TGFB1I1: variants seen among roughly 807,000 people sequenced by gnomAD.
The protein encoded by TGFB1I1 is transforming growth factor beta 1 induced transcript 1, also known as transforming growth factor beta-1-induced transcript 1 protein.
A neutral mutation model predicts 52.0 loss-of-function variants in TGFB1I1; 33 were observed. The ratio of observed to expected loss-of-function variants is 0.63; its 90% CI spans 0.48 to 0.85. TGFB1I1 has a LOEUF of 0.85. Among genes scored for constraint, TGFB1I1 ranks in the 40% least tolerant of loss-of-function variants. TGFB1I1 has a pLI of 0.00. For synonymous variants in TGFB1I1, 236 were observed against 253.3 expected (o/e 0.93, Z 0.65); for missense variants, 577 against 614.9 (o/e 0.94, Z 0.65).
Position 31,474,806 on chromosome 16 carries a change from T to A in TGFB1I1, c.714+49T>A. ...GAGGCAGAGACCTGTCACAGACCCATCTTTAGTGAGAGCTGGGCTTTATGC... is the reference window on the plus strand; with the variant it reads ...GAGGCAGAGACCTGTCACAGACCCAACTTTAGTGAGAGCTGGGCTTTATGC... On this transcript the variant is annotated intron_variant, in intron 7 of 10. Transcript: ENST00000394863. This position sits in a 1 kb window ranked among gnomAD's most constrained non-coding sequence, Gnocchi z 4.2. 1 of 1,537,912 alleles carries A rather than the reference T, an allele frequency of 6.5e-7. No individual in the cohort carries two copies. The highest frequency in any genetic ancestry group is 1.2e-5 in the South Asian group (1 of 85,274).
chr16:31,475,742 A>G (rs1295278061), intron 7 of TGFB1I1: 3 of 397,128 alleles, frequency 7.6e-6, no homozygotes, highest in Non-Finnish European at 1.3e-5. Context: ...TTGATTTTAA[A>G]AAAATTAAAA....
In TGFB1I1 at chr16:31,477,590, T is replaced by A; in HGVS notation, c.*14T>A. On this transcript the variant is annotated 3_prime_UTR_variant, in exon 11 of 11. Coordinates refer to ENST00000394863, the MANE Select transcript of TGFB1I1 (RefSeq NM_001042454.3). This position sits in a 1 kb window ranked among gnomAD's most constrained non-coding sequence, Gnocchi z 4.7. ...CTCTTCGGCTGACAGCCCGCTCGGC[T>A]CGCCCTCTCCCCCGGAGGCCGCGCC... 3 of 1,588,906 alleles carry A rather than the reference T, an allele frequency of 1.9e-6. No homozygotes were observed. The highest frequency in any genetic ancestry group is 2.6e-6 in the Non-Finnish European group (3 of 1,169,140).
At position 31,477,760 on chromosome 16, in the gene TGFB1I1, GC is replaced by G. The variant is rs1567384768; in HGVS notation, c.*187del. The G allele has an allele frequency of 2.1e-5, 16 of 760,986 alleles. No homozygotes were observed. Among genetic ancestry groups the G allele is most frequent in the Non-Finnish European group, 3.3e-5 (16 of 492,090 alleles). 47.1% of individuals were successfully genotyped at this position (760,986 alleles called of 1,614,324 possible). A position where few individuals can be genotyped will look rare whatever the true frequency, so the allele number is the denominator to read the frequency against. ...GGCCCAGCCAGACCTAAACCCACACGCCCACAAAGTGGATTGCACACAGACA... is the reference window on the plus strand; with the variant it reads ...GGCCCAGCCAGACCTAAACCCACACGCCACAAAGTGGATTGCACACAGACA... On this transcript the variant is annotated 3_prime_UTR_variant, in exon 11 of 11. Coordinates refer to ENST00000394863, the MANE Select transcript of TGFB1I1 (RefSeq NM_001042454.3). This position sits in a 1 kb window ranked among gnomAD's most constrained non-coding sequence, Gnocchi z 4.7.
intron 7 of TGFB1I1, chr16:31,475,693 C>T (rs568068349): frequency 4.4e-5 from 10 of 229,368 alleles, no homozygotes; most frequent in Admixed American, 1.1e-4. Flanking sequence ...CTCCCAAATG[C>T]TAGGATTAGA....
Position 31,477,079 on chromosome 16 carries a change from A to G in TGFB1I1, c.1119+69A>G, listed in dbSNP as rs1487929258. 3.8e-5 allele frequency: 13 copies of G among 343,476 alleles called. No homozygotes were observed. In the African/African-American group the frequency reaches 5.8e-4, roughly 15 times the overall value. The allele number at this position is 343,476 out of a possible 1,614,324, so 21.3% of individuals were successfully genotyped here. A position where few individuals can be genotyped will look rare whatever the true frequency, so the allele number is the denominator to read the frequency against. On this transcript the variant is annotated intron_variant, in intron 10 of 10. Transcript: ENST00000394863. This position sits in a 1 kb window ranked among gnomAD's most constrained non-coding sequence, Gnocchi z 4.7. ...ACAGGGCTGTGGGGCGGGGCCTTGGAGGGGCGGGTCAAGGGTGCAGGGCAG... is the reference window on the plus strand; with the variant it reads ...ACAGGGCTGTGGGGCGGGGCCTTGGGGGGGCGGGTCAAGGGTGCAGGGCAG...
chr16:31,473,332 T>C, intron 1 of TGFB1I1, 109 bp from the exon 2 acceptor site: 1 of 1,468,004 alleles, frequency 6.8e-7, no homozygotes, highest in Non-Finnish European at 9.1e-7. Flanking sequence ...CCCTGTGACC[T>C]CTTCTCTTAA....
Position 31,476,453 on chromosome 16 carries a change from G to A in TGFB1I1, c.889-28G>A. On this transcript the variant is annotated intron_variant, in intron 8 of 10. Transcript: ENST00000394863. This position sits in a 1 kb window ranked among gnomAD's most constrained non-coding sequence, Gnocchi z 7.6. ...AGGAAGGCGCGAAGGCACGGAGGCC[G>A]CGCTGAGTGCCCTCTCCCTCCCTGC... is the stretch of plus-strand genomic sequence containing the variant. The A allele has an allele frequency of 1.2e-6, 2 of 1,601,750 alleles. No homozygotes were observed. Among genetic ancestry groups the A allele is most frequent in the South Asian group, 1.1e-5 (1 of 89,002 alleles).
At chr16:31,473,592 G>A in intron 2 of TGFB1I1, 36 bp downstream of exon 2, 1 of 1,612,506 alleles carries the variant, frequency 6.2e-7, no homozygotes, top group East Asian at 2.2e-5. Context: ...GCAGCCACTA[G>A]GGCCAGGCTC....
Position 31,474,890 on chromosome 16 carries a change from G to A in TGFB1I1, c.714+133G>A. 2.3e-6 allele frequency: 2 copies of A among 884,584 alleles called. No individual in the cohort carries two copies. The highest frequency in any genetic ancestry group is 3.5e-5 in the South Asian group (2 of 57,750). The allele number at this position is 884,584 out of a possible 1,614,324, so 54.8% of individuals were successfully genotyped here. A position where few individuals can be genotyped will look rare whatever the true frequency, so the allele number is the denominator to read the frequency against. On this transcript the variant is annotated intron_variant, in intron 7 of 10. Coordinates refer to ENST00000394863, the MANE Select transcript of TGFB1I1 (RefSeq NM_001042454.3). This position sits in a 1 kb window ranked among gnomAD's most constrained non-coding sequence, Gnocchi z 4.2. ...GTATCATTATTACTTATGTTTTATG[G>A]ATGAGGAAACTGAAGCTCTGAACCA... is the stretch of plus-strand genomic sequence containing the variant.
At chr16:31,473,783 AGG>A in intron 3 of TGFB1I1, 49 bp downstream of exon 3, 1 of 1,601,292 alleles carries the variant, frequency 6.2e-7, no homozygotes, top group Non-Finnish European at 8.5e-7. Context: ...GTCTCAGGTG[AGG>A]AGGCTTGGAT....
Position 31,476,800 on chromosome 16 carries a change from C to T in TGFB1I1, c.971-62C>T. The T allele has an allele frequency of 2.5e-6, 4 of 1,602,108 alleles. No homozygotes were observed. The highest frequency in any genetic ancestry group is 2.6e-6 in the Non-Finnish European group (3 of 1,176,274). ...CCTCCTTCGGCCCCAGATCTCAGGTCTTGTGGGTCCCCCGTCCCGCCCGCA... is the reference window on the plus strand; with the variant it reads ...CCTCCTTCGGCCCCAGATCTCAGGTTTTGTGGGTCCCCCGTCCCGCCCGCA... On this transcript the variant is annotated intron_variant, in intron 9 of 10. Transcript: ENST00000394863. This position sits in a 1 kb window ranked among gnomAD's most constrained non-coding sequence, Gnocchi z 7.6.
At position 31,476,898 on chromosome 16, in the gene TGFB1I1, G is replaced by T; in HGVS notation, c.1007G>T (p.Arg336Leu). The change falls in exon 10 of 11, where the codon CGG (arginine) becomes CTG (leucine). Residue 336 changes from arginine to leucine, a missense_variant. Around this residue, in one of 3 missense-constraint regions of TGFB1I1, gnomAD observed 456 missense variants for 461.6 expected, o/e 0.99. Transcript: ENST00000394863. The surrounding 1 kb of genome is among the most constrained non-coding windows in gnomAD (Gnocchi z 7.6). ...CGCGAGGGCCGCCCCTACTGCCGCC[G>T]GGACTTCCTGCAGCTGTTCGCCCCG... ...HEREGRPYCR[R>L]DFLQLFAPRC... 6.2e-7 allele frequency: 1 copy of T among 1,609,676 alleles called. No homozygotes were observed. The highest frequency in any genetic ancestry group is 8.5e-7 in the Non-Finnish European group (1 of 1,179,388).
At position 31,476,283 on chromosome 16, in the gene TGFB1I1, C is replaced by A; in HGVS notation, c.888+98C>A. 6.7e-7 allele frequency: 1 copy of A among 1,486,128 alleles called. No individual in the cohort carries two copies. The highest frequency in any genetic ancestry group is 1.3e-5 in the South Asian group (1 of 79,418). The allele number at this position is 1,486,128 out of a possible 1,614,324, so 92.1% of individuals were successfully genotyped here. The stretch of plus-strand genomic sequence containing the variant: ...GGGTCCCGCCCCACCCGCGATACCC[C>A]ACTCCACCCCTACCCCTTCCCCTTG... On this transcript the variant is annotated intron_variant, in intron 8 of 10. Transcript: ENST00000394863. The surrounding 1 kb of genome is among the most constrained non-coding windows in gnomAD (Gnocchi z 7.6).
chr16:31,475,964 C>T (rs368469098), intron 7 of TGFB1I1, 48 bp from the exon 8 acceptor site: 123 of 1,573,562 alleles, frequency 7.8e-5, no homozygotes, highest in Non-Finnish European at 1.1e-4. Flanking sequence ...CCTCACTGGG[C>T]ATGTGGTTGT....
At chr16:31,472,566 G>GA in intron 1 of TGFB1I1, 2 of 222,974 alleles carry the variant, frequency 9.0e-6, no homozygotes, top group Non-Finnish European at 1.7e-5. Context: ...AAGTTTTGGA[G>GA]AAAAAAAGCG....
In TGFB1I1 at chr16:31,476,175, C is replaced by G; in HGVS notation, c.878C>G (p.Pro293Arg). 6.2e-7 allele frequency: 1 copy of G among 1,612,592 alleles called. No individual in the cohort carries two copies. Among genetic ancestry groups the G allele is most frequent in the South Asian group, 1.1e-5 (1 of 91,054 alleles). ...CCAAGATGTGGCTTCTGCAACCAGC[C>G]CATCCGACACGTGAGCCCCGCCCGG... is the stretch of plus-strand genomic sequence containing the variant. ...FSPRCGFCNQPIRHKMVTALG... is the reference protein window; with the variant it reads ...FSPRCGFCNQRIRHKMVTALG... The change falls in exon 8 of 11, where the codon CCC becomes CGC. Residue 293 changes from proline to arginine, a missense_variant. Pro to Arg is a moderately radical substitution (Grantham distance 103). Coordinates refer to ENST00000394863, the MANE Select transcript of TGFB1I1 (RefSeq NM_001042454.3). The surrounding 1 kb of genome is among the most constrained non-coding windows in gnomAD (Gnocchi z 7.6).
intron 1 of TGFB1I1, chr16:31,472,507 C>A: frequency 2.9e-6 from 1 of 346,992 alleles, no homozygotes; most frequent in Non-Finnish European, 5.1e-6. Flanking sequence ...GTTAAAGGGG[C>A]CTCGGCCCGG....
chr16:31,472,535 G>A, intron 1 of TGFB1I1: 2 of 296,792 alleles, frequency 6.7e-6, no homozygotes, highest in Non-Finnish European at 1.2e-5. Flanking sequence ...GAAAGTAGAG[G>A]GCACGGGAAA....
Position 31,477,765 on chromosome 16 carries a change from C to T in TGFB1I1, c.*189C>T. The T allele has an allele frequency of 2.7e-6, 2 of 730,460 alleles. No homozygotes were observed. The highest frequency in any genetic ancestry group is 4.3e-6 in the Non-Finnish European group (2 of 463,786). 45.2% of individuals were successfully genotyped at this position (730,460 alleles called of 1,614,324 possible). A position where few individuals can be genotyped will look rare whatever the true frequency, so the allele number is the denominator to read the frequency against. ...AGCCAGACCTAAACCCACACGCCCA[C>T]AAAGTGGATTGCACACAGACAAGAA... On this transcript the variant is annotated 3_prime_UTR_variant, in exon 11 of 11. Transcript: ENST00000394863. The surrounding 1 kb of genome is among the most constrained non-coding windows in gnomAD (Gnocchi z 4.7).
Sources: gnomAD v4.1 joint callset for allele counts on GRCh38, gnomAD v4.1.1 for gene constraint, gnomAD v4.1.1 regional missense constraint, Gnocchi (gnomAD v3.1) non-coding constraint, MANE v1.5 for transcripts, NCBI Gene and HGNC (gene_info 2026-07-23, HGNC 2026-07-21) for gene names.